The following SSUH2 variants were observed in gnomAD, a reference collection of about 807,000 sequenced individuals.
The protein encoded by SSUH2 is protein SSUH2 homolog.
In SSUH2, 47 loss-of-function variants were observed where a neutral mutation model predicts 55.3. The observed-to-expected ratio is 0.85, with a 90% CI of 0.67 to 1.08. The LOEUF is 1.08. Ranked by LOEUF, SSUH2 falls within the 50% of genes least tolerant of loss-of-function variation. The pLI is 0.00. For missense variants in SSUH2, 535 were observed against 490.7 expected, an observed-to-expected ratio of 1.09 and a Z score of -0.85; for synonymous variants, 212 against 191.5, an observed-to-expected ratio of 1.11 and a Z score of -0.89.
intron 2 of SSUH2, among the ~76,000 whole-genome samples, chr3:8,678,425 C>A (rs542093316): frequency 3.9e-5 from 6 of 152,044 alleles, no homozygotes; most frequent in South Asian, 2.1e-4. Flanking sequence ...GAACAGCCTG[C>A]GATGCTGGAA....
chr3:8,659,623 C>T (rs568219903), intron 6 of SSUH2: 8 of 334,566 alleles, frequency 2.4e-5, no homozygotes, highest in African/African-American at 1.3e-4. Flanking sequence ...GGGGGCTGCC[C>T]GTGCTTCTGT....
intron 7 of SSUH2, among the ~76,000 whole-genome samples, chr3:8,657,269 T>G (rs1215986009): frequency 6.6e-6 from 1 of 150,540 alleles, no homozygotes; most frequent in Non-Finnish European, 1.5e-5. Flanking sequence ...CATCTTCACA[T>G]AACTGACACT....
chr3:8,635,958 C>A (rs1363965550), intron 1 of SSUH2, 101 bp from the exon 2 acceptor site: 3 of 1,038,700 alleles, frequency 2.9e-6, no homozygotes, highest in African/African-American at 3.2e-5. Flanking sequence ...TTATAAAAAG[C>A]CTCACGTTTA....
chr3:8,636,649 T>G (rs1003872674), intron 1 of SSUH2, among the ~76,000 whole-genome samples: 3 of 152,212 alleles, frequency 2.0e-5, no homozygotes, highest in South Asian at 2.1e-4. Flanking sequence ...TGGAGCCACA[T>G]GGAGTCTGAG....
intron 3 of SSUH2, among the ~76,000 whole-genome samples, chr3:8,673,838 G>C (rs756175031): frequency 1.3e-5 from 2 of 152,120 alleles, no homozygotes; most frequent in African/African-American, 2.4e-5. Context: ...CATTAAAGAC[G>C]GGAGCTCAAA....
At chr3:8,662,732 C>G (rs1359248418) in intron 6 of SSUH2, among the ~76,000 whole-genome samples, 3 of 152,190 alleles carry the variant, frequency 2.0e-5, no homozygotes, top group Non-Finnish European at 4.4e-5. Flanking sequence ...CTGCTTTCCC[C>G]AGGCTCCAAC....
intron 5 of SSUH2, among the ~76,000 whole-genome samples, chr3:8,670,273 CTTACAGA>C (rs1313193900): frequency 2.6e-5 from 4 of 152,094 alleles, no homozygotes; most frequent in Non-Finnish European, 5.9e-5. Context: ...CTCTGCCGAC[CTTACAGA>C]TCACGTCACA....
intron 2 of SSUH2, among the ~76,000 whole-genome samples, chr3:8,677,918 A>G (rs1033998500): frequency 1.3e-5 from 2 of 150,894 alleles, no homozygotes; most frequent in Non-Finnish European, 2.9e-5. Flanking sequence ...GGAGATTATG[A>G]ACTGTTTCAC....
At chr3:8,621,374 G>C (rs377700861) in intron 11 of SSUH2, among the ~76,000 whole-genome samples, 29 of 152,000 alleles carry the variant, frequency 1.9e-4, no homozygotes, top group African/African-American at 7.0e-4. Flanking sequence ...CAGGCCGGGT[G>C]GGGGGCTGAG....
At chr3:8,634,262 G>T (rs1425759074) in intron 3 of SSUH2, 4 of 705,216 alleles carry the variant, frequency 5.7e-6, no homozygotes, top group Non-Finnish European at 8.4e-6. Context: ...GCCCAGGGCT[G>T]ATGGCAGCGC....
intron 5 of SSUH2, chr3:8,670,955 T>A (rs1704500437): frequency 2.6e-6 from 1 of 383,032 alleles, no homozygotes; most frequent in Non-Finnish European, 5.5e-6. Flanking sequence ...ACATTAGAAG[T>A]AACATCCCCC....
intron 11 of SSUH2, among the ~76,000 whole-genome samples, chr3:8,620,441 C>T (rs895171147): frequency 5.3e-5 from 8 of 152,196 alleles, no homozygotes; most frequent in African/African-American, 1.9e-4. Flanking sequence ...AAACTCTTTC[C>T]TGTATAAATT....
chr3:8,621,937 C>T (rs911853108), intron 11 of SSUH2, among the ~76,000 whole-genome samples: 2 of 151,884 alleles, frequency 1.3e-5, no homozygotes, highest in Non-Finnish European at 2.9e-5. Context: ...CCACAACCCC[C>T]GCAATCCCCC....
exon 6 of SSUH2, chr3:8,663,752 G>A (rs1277765424): frequency 6.6e-6 from 3 of 455,332 alleles, no homozygotes; most frequent in Non-Finnish European, 1.3e-5. Context: ...ACCTTAACAA[G>A]GATTTCCCAA....
At chr3:8,625,736 G>T in intron 9 of SSUH2, 89 bp from the exon 10 acceptor site, 1 of 847,170 alleles carries the variant, frequency 1.2e-6, no homozygotes, top group East Asian at 2.5e-5. Flanking sequence ...GGGGTTGAGG[G>T]CTTGAATTGC....
At chr3:8,649,957 T>C (rs1415342578) in intron 7 of SSUH2, among the ~76,000 whole-genome samples, 1 of 152,192 alleles carries the variant, frequency 6.6e-6, no homozygotes, top group Non-Finnish European at 1.5e-5. Context: ...ATATGGCCTC[T>C]GCCTGCTTCC....
chr3:8,680,667 G>A (rs1485162604), intron 1 of SSUH2, among the ~76,000 whole-genome samples: 3 of 151,938 alleles, frequency 2.0e-5, no homozygotes, highest in African/African-American at 4.8e-5. Flanking sequence ...ACATCCCTGG[G>A]GGTTTCCACT....
chr3:8,633,617 A>C (rs201466567), intron 4 of SSUH2, 49 bp downstream of exon 4: 119 of 1,446,890 alleles, frequency 8.2e-5, no homozygotes, highest in Non-Finnish European at 1.1e-4. Flanking sequence ...CAAAGCCCCC[A>C]GCTCCCCAGC....
chr3:8,645,969 T>G (rs899578747), upstream of SSUH2, among the ~76,000 whole-genome samples: 25 of 152,222 alleles, frequency 1.6e-4, no homozygotes, highest in Non-Finnish European at 3.4e-4. Context: ...TTATGGCTGG[T>G]AGGAGCACTG....
Sources: gnomAD v4.1 joint callset for allele counts (sites outside exome capture counted in the v4.1 genomes callset) on GRCh38, gnomAD v4.1.1 for gene constraint, MANE v1.5 for transcripts, NCBI Gene and HGNC (gene_info 2026-07-23, HGNC 2026-07-21) for gene names.